The following CCSER1 variants were observed in gnomAD, a reference collection of about 807,000 sequenced individuals.
CCSER1 encodes the protein coiled-coil serine rich protein 1, also known as serine-rich coiled-coil domain-containing protein 1.
A neutral mutation model predicts 82.0 loss-of-function variants in CCSER1; 41 were observed. The observed-to-expected ratio is 0.50, with a 90% CI of 0.39 to 0.65. The LOEUF is 0.65. Among genes scored for constraint, CCSER1 ranks in the 30% least tolerant of loss-of-function variants. The probability of loss-of-function intolerance (pLI) is 0.00; values close to 1 mark genes in which losing one functional copy is unlikely to be tolerated. For missense variants in CCSER1, 1,119 were observed against 1,064.2 expected, an observed-to-expected ratio of 1.05 and a Z score of -0.72; for synonymous variants, 414 against 383.9, an observed-to-expected ratio of 1.08 and a Z score of -0.92.
chr4:90,861,926 AT>A lies in CCSER1; in HGVS notation c.2094+46091del, dbSNP rs70963087. ...GACTCATATATATATATATATATAT[AT>A]TTTTTTTTTCTGTTAGACTAGTGTT... is the stretch of plus-strand genomic sequence containing the variant. On this transcript the variant is annotated intron_variant, in intron 8 of 10. Coordinates refer to ENST00000509176, the MANE Select transcript of CCSER1 (RefSeq NM_001145065.2). Among the ~76,000 whole-genome samples the A allele has an allele frequency of 6.4e-5, 8 of 125,680 alleles. No homozygotes were observed. The East Asian group carries it at 7.0e-4, about 11-fold the overall frequency. The allele number at this position is 125,680 out of a possible 152,430, so 82.5% of individuals were successfully genotyped here.
chr4:90,449,898 G>A (rs1450461080), intron 4 of CCSER1, among the ~76,000 whole-genome samples: 1 of 152,172 alleles, frequency 6.6e-6, no homozygotes, highest in African/African-American at 2.4e-5. Context: ...CTTGGAAGGG[G>A]TGGGGCTTTT....
At chr4:90,437,457 A>C (rs2153570446) in intron 4 of CCSER1, among the ~76,000 whole-genome samples, 1 of 152,260 alleles carries the variant, frequency 6.6e-6, no homozygotes, top group South Asian at 2.1e-4. Context: ...GGAAGCAAAA[A>C]ACTTAAATTT....
chr4:90,365,449 C>A (rs1746123054), intron 3 of CCSER1, among the ~76,000 whole-genome samples: 1 of 151,690 alleles, frequency 6.6e-6, no homozygotes, highest in African/African-American at 2.4e-5. Context: ...TTGAACTAAT[C>A]AAAATATGCA....
intron 9 of CCSER1, among the ~76,000 whole-genome samples, chr4:90,981,921 C>T (rs1342086533): frequency 6.6e-6 from 1 of 151,802 alleles, no homozygotes; most frequent in Non-Finnish European, 1.5e-5. Flanking sequence ...AGAGTAGCTA[C>T]ATTTGAGCTC....
intron 6 of CCSER1, among the ~76,000 whole-genome samples, chr4:90,691,821 G>C (rs915012023): frequency 6.6e-6 from 1 of 151,388 alleles, no homozygotes; most frequent in South Asian, 2.1e-4. Flanking sequence ...CATAGTACTC[G>C]ATCAGTAGTT....
At chr4:90,434,061 T>C (rs796497639) in intron 4 of CCSER1, among the ~76,000 whole-genome samples, 1 of 152,010 alleles carries the variant, frequency 6.6e-6, no homozygotes, top group South Asian at 2.1e-4. Flanking sequence ...ACAATTATGG[T>C]TGAAGGTTTT....
chr4:91,042,275 C>A, intron 9 of CCSER1, among the ~76,000 whole-genome samples: 1 of 152,096 alleles, frequency 6.6e-6, no homozygotes, highest in East Asian at 1.9e-4. Context: ...GTGCATCCAG[C>A]GTTCATTCGC....
chr4:90,868,705 TGGG>T (rs1394322407), intron 8 of CCSER1, among the ~76,000 whole-genome samples: 1 of 152,110 alleles, frequency 6.6e-6, no homozygotes, highest in Non-Finnish European at 1.5e-5. Context: ...TCCTTTCTTT[TGGG>T]TATATACCCA....
chr4:90,456,985 A>G (rs887184508), intron 4 of CCSER1, among the ~76,000 whole-genome samples: 13 of 152,228 alleles, frequency 8.5e-5, no homozygotes, highest in Middle Eastern at 3.4e-3. Context: ...GGCTTGTACT[A>G]CTGGCTCAGA....
intron 7 of CCSER1, among the ~76,000 whole-genome samples, chr4:90,811,090 C>T (rs1203732989): frequency 2.0e-5 from 3 of 152,048 alleles, no homozygotes; most frequent in African/African-American, 4.8e-5. Context: ...CCGCCCGCGT[C>T]GGCCTTCCAA....
chr4:90,214,015 T>C (rs1252695827), intron 1 of CCSER1, among the ~76,000 whole-genome samples: 1 of 152,160 alleles, frequency 6.6e-6, no homozygotes, highest in Admixed American at 6.5e-5. Flanking sequence ...TTAAGGTTAA[T>C]ACATTATGTT....
At chr4:91,083,226 C>A (rs927570673) in intron 9 of CCSER1, among the ~76,000 whole-genome samples, 3 of 152,132 alleles carry the variant, frequency 2.0e-5, no homozygotes, top group African/African-American at 7.2e-5. Flanking sequence ...GAATACTATG[C>A]AGCCATAAAA....
intron 5 of CCSER1, among the ~76,000 whole-genome samples, chr4:90,570,268 C>A (rs942311135): frequency 1.3e-5 from 2 of 152,172 alleles, no homozygotes; most frequent in African/African-American, 4.8e-5. Context: ...ACTCTGCGAT[C>A]TAGGCTTGGA....
chr4:90,447,340 GA>G (rs554135180), intron 4 of CCSER1, among the ~76,000 whole-genome samples: 2,726 of 142,610 alleles, frequency 0.019, 36 homozygotes, highest in African/African-American at 0.036. Flanking sequence ...TCTTCCTGGG[GA>G]AAAAAAAAAA....
chr4:90,548,283 G>T (rs981129676), intron 5 of CCSER1, among the ~76,000 whole-genome samples: 1 of 152,110 alleles, frequency 6.6e-6, no homozygotes, highest in Non-Finnish European at 1.5e-5. Flanking sequence ...CCAGGTTCAG[G>T]CTTCAACAGT....
At chr4:91,058,422 A>G (rs889004357) in intron 9 of CCSER1, among the ~76,000 whole-genome samples, 1 of 152,056 alleles carries the variant, frequency 6.6e-6, no homozygotes, top group African/African-American at 2.4e-5. Flanking sequence ...ATAGACCAAC[A>G]TGTTCCCTCT....
intron 10 of CCSER1, among the ~76,000 whole-genome samples, chr4:91,306,410 G>A (rs547712805): frequency 8.5e-4 from 129 of 152,008 alleles, no homozygotes; most frequent in African/African-American, 3.0e-3. Flanking sequence ...AGTACATTCT[G>A]CTTGTTTTTA....
rs555421207 is a variant in CCSER1, at chr4:90,156,937, G to T, written c.-42+29106G>T. Among the ~76,000 whole-genome samples the T allele has an allele frequency of 2.0e-5, 3 of 152,234 alleles. No homozygotes were observed. In the East Asian group the frequency reaches 5.8e-4, roughly 29 times the overall value. The stretch of plus-strand genomic sequence containing the variant: ...CATTATGATGTTAGCTGGTTATTTT[G>T]CTCGTTAGTTCATGCAGTTTCTTCC... On this transcript the variant is annotated intron_variant, in intron 1 of 10. Transcript: ENST00000509176.
intron 6 of CCSER1, among the ~76,000 whole-genome samples, chr4:90,669,549 C>T (rs528920675): frequency 3.3e-5 from 5 of 152,150 alleles, no homozygotes; most frequent in African/African-American, 1.2e-4. Flanking sequence ...ATATATACCA[C>T]ATTATGCTTG....
Sources: gnomAD v4.1 joint callset for allele counts (sites outside exome capture counted in the v4.1 genomes callset) on GRCh38, gnomAD v4.1.1 for gene constraint, MANE v1.5 for transcripts, NCBI Gene and HGNC (gene_info 2026-07-23, HGNC 2026-07-21) for gene names.